Variants in TTN observed in about 807,000 individuals in gnomAD.
TTN encodes connectin.
In TTN, 1,525 loss-of-function variants were observed where a neutral mutation model predicts 3,223.0. The ratio of observed to expected loss-of-function variants is 0.47; its 90% CI spans 0.45 to 0.49. The LOEUF is 0.49. Ranked by LOEUF, TTN falls within the 20% of genes least tolerant of loss-of-function variation. TTN has a pLI of 0.00. For synonymous variants in TTN, 14,094 were observed against 15,161.0 expected (o/e 0.93, Z 5.17); for missense variants, 40,786 against 43,424.0 (o/e 0.94, Z 5.40).
chr2:178,541,479 C>A lies in TTN; in HGVS notation c.97598G>T (p.Gly32533Val). Reference sequence around the variant, plus strand: ...CACTTCTTTGCGCTCCACAATATATCCAGTCACTTGGGAGCCACCGTCATC... The same window carrying A: ...CACTTCTTTGCGCTCCACAATATATACAGTCACTTGGGAGCCACCGTCATC... ...PEDDGGSQVT[G>V]YIVERKEVRA... The change falls in exon 350 of 363, where the codon GGA (glycine) becomes GTA (valine). Residue 32533 changes from glycine to valine, a missense_variant. Coordinates refer to ENST00000589042, the MANE Select transcript of TTN (RefSeq NM_001267550.2). 1 of 1,613,402 alleles carries A rather than the reference C, an allele frequency of 6.2e-7. No individual in the cohort carries two copies. Among genetic ancestry groups the A allele is most frequent in the Non-Finnish European group, 8.5e-7 (1 of 1,179,588 alleles).
chr2:178,600,957 T>C lies in TTN; in HGVS notation c.55947A>G (p.Leu18649=), dbSNP rs1353467197. The change falls in exon 288 of 363, where the codon CTA becomes CTG. Residue 18649 remains leucine (L), a synonymous_variant. Coordinates refer to ENST00000589042, the MANE Select transcript of TTN (RefSeq NM_001267550.2). ...GGAATTCATATTCCCCACCCTCTACTAGGTCTTCAACAGTAAATTGCAGTT... is the reference window on the plus strand; with the variant it reads ...GGAATTCATATTCCCCACCCTCTACCAGGTCTTCAACAGTAAATTGCAGTT... ...VEELQFTVED[L]VEGGEYEFRV... The C allele has an allele frequency of 3.1e-6, 5 of 1,612,900 alleles. No homozygotes were observed. The South Asian group carries it at 5.5e-5, about 18-fold the overall frequency.
rs2154169557 is a variant in TTN at position 178,571,753 on chromosome 2, T to G, written c.74379A>C (p.Ser24793=). Residue 24793 remains serine, a synonymous_variant, in exon 326 of 363, where the codon TCA becomes TCC. Transcript: ENST00000589042. The part of the protein sequence containing the change: ...VGHYVVKLTN[S]AGEAIETLNV... ...TAAGGGTTTCAATAGCTTCACCAGC[T>G]GAGTTAGTCAGTTTAACCACATAAT... is the stretch of plus-strand genomic sequence containing the variant. 2.5e-6 allele frequency: 4 copies of G among 1,613,406 alleles called. No individual in the cohort carries two copies. The highest frequency in any genetic ancestry group is 3.4e-6 in the Non-Finnish European group (4 of 1,179,502).
chr2:178,645,953 C>T lies in TTN; in HGVS notation c.40375G>A (p.Glu13459Lys). The change falls in exon 217 of 363, where the codon GAA becomes AAA. Residue 13459 changes from glutamate (E) to lysine (K), a missense_variant. Glu to Lys is a moderately conservative substitution (Grantham distance 56). Coordinates refer to ENST00000589042, the MANE Select transcript of TTN (RefSeq NM_001267550.2). ...PPPPPPAPPK[E>K]DVKEKIFQLK... ...TGGAATATTTTCTCCTTCACATCTT[C>T]CTTAGGTGGAGCAGGTGGAGGAGGT... is the stretch of plus-strand genomic sequence containing the variant. 6.3e-7 allele frequency: 1 copy of T among 1,586,554 alleles called. No homozygotes were observed. The highest frequency in any genetic ancestry group is 8.6e-7 in the Non-Finnish European group (1 of 1,168,564).
chr2:178,601,843 C>T (rs2053547113), intron 285 of TTN, 39 bp downstream of exon 285: 2 of 1,606,528 alleles, frequency 1.2e-6, no homozygotes. Context: ...ATATTGAAGT[C>T]AACCATATTC....
chr2:178,569,808 C>G lies in TTN; in HGVS notation c.76324G>C (p.Val25442Leu), dbSNP rs1217166434. 1 of 1,613,218 alleles carries G rather than the reference C, an allele frequency of 6.2e-7. No individual in the cohort carries two copies. The highest frequency in any genetic ancestry group is 8.5e-7 in the Non-Finnish European group (1 of 1,179,602). The change falls in exon 326 of 363, where the codon GTT becomes CTT. Residue 25442 changes from valine (V) to leucine (L), a missense_variant. Coordinates refer to ENST00000589042, the MANE Select transcript of TTN (RefSeq NM_001267550.2). ...CCAACACTCACATCACATTTTTCAA[C>G]AATGTATCCTTGAATTTCACAGCCA... ...DGGCEIQGYIVEKCDVSVGEW... is the reference protein window; with the variant it reads ...DGGCEIQGYILEKCDVSVGEW...
chr2:178,554,719 A>G lies in TTN; in HGVS notation c.88628T>C (p.Phe29543Ser), dbSNP rs948542254. The part of the protein sequence containing the change: ...KPGPPGGPIE[F>S]KTVTAEKITL... Reference sequence around the variant, plus strand: ...GATCTTCTCAGCAGTTACAGTCTTAAATTCAATTGGTCCACCAGGTGGGCC... The same window carrying G: ...GATCTTCTCAGCAGTTACAGTCTTAGATTCAATTGGTCCACCAGGTGGGCC... The change falls in exon 332 of 363, where the codon TTT becomes TCT. Residue 29543 changes from phenylalanine (F) to serine (S), a missense_variant. Transcript: ENST00000589042. 6 of 1,613,746 alleles carry G rather than the reference A, an allele frequency of 3.7e-6. No homozygotes were observed. Among genetic ancestry groups the G allele is most frequent in the Non-Finnish European group, 5.1e-6 (6 of 1,179,846 alleles).
intron 46 of TTN, among the ~76,000 whole-genome samples, chr2:178,755,696 G>A (rs561097889): frequency 1.3e-5 from 2 of 152,060 alleles, no homozygotes; most frequent in African/African-American, 2.4e-5. Flanking sequence ...TGGCTGCCTC[G>A]GCCTCCCAAA....
At chr2:178,708,871 T>A (rs904613676) in intron 99 of TTN, among the ~76,000 whole-genome samples, 4 of 152,178 alleles carry the variant, frequency 2.6e-5, no homozygotes, top group Non-Finnish European at 4.4e-5. Flanking sequence ...AGGTTAGTTT[T>A]TAATGTGATT....
intron 47 of TTN, chr2:178,743,087 G>A (rs1259364027): frequency 6.6e-6 from 1 of 151,868 alleles, no homozygotes; most frequent in Non-Finnish European, 1.5e-5. Context: ...CCCTTCACTT[G>A]AACTCACAAA....
At chr2:178,758,057 CTA>C (rs2087849141) in intron 44 of TTN, 141 bp from the exon 45 acceptor site, 1 of 904,264 alleles carries the variant, frequency 1.1e-6, no homozygotes, top group Non-Finnish European at 1.6e-6. Context: ...TTGTATGTCA[CTA>C]TTGACTCGAA....
intron 6 of TTN, chr2:178,799,273 T>C: frequency 3.0e-6 from 2 of 671,848 alleles, no homozygotes; most frequent in South Asian, 3.7e-5. Flanking sequence ...GAGACCCTAG[T>C]AGGCAGACAC....
chr2:178,564,417 G>A lies in TTN; in HGVS notation c.81715C>T (p.Gln27239Ter), dbSNP rs1408614204. The change falls in exon 326 of 363, where the codon CAA (glutamine) becomes TAA (stop). Residue 27239 changes from glutamine (Q) to a stop codon, truncating the protein, a stop_gained. Transcript: ENST00000589042. LOFTEE classifies it high-confidence loss of function. Reference protein sequence around the residue: ...EFTVSGLVEDQRYEFRVIARN... With the variant: ...EFTVSGLVED ...GCAATTACTCTAAATTCATATCTTT[G>A]GTCTTCTACAAGTCCACTCACTGTA... 6.2e-7 allele frequency: 1 copy of A among 1,612,996 alleles called. No homozygotes were observed. The highest frequency in any genetic ancestry group is 1.3e-5 in the African/African-American group (1 of 74,864).
intron 216 of TTN, 146 bp from the exon 217 acceptor site, chr2:178,646,176 G>C (rs369698692): frequency 5.8e-6 from 1 of 173,160 alleles, no homozygotes; most frequent in African/African-American, 3.1e-5. Flanking sequence ...TTTAAGGTAC[G>C]TAATACCAGT....
At position 178,567,347 on chromosome 2, in the gene TTN, C is replaced by T. The variant is rs775800532; in HGVS notation, c.78785G>A (p.Gly26262Glu). 6.3e-7 allele frequency: 1 copy of T among 1,598,636 alleles called. No individual in the cohort carries two copies. The highest frequency in any genetic ancestry group is 1.1e-5 in the South Asian group (1 of 87,698). Residue 26262 changes from glycine (G) to glutamate (E), a missense_variant, in exon 326 of 363, where the codon GGG (glycine) becomes GAG (glutamate). Gly to Glu is a moderately conservative substitution (Grantham distance 98). Coordinates refer to ENST00000589042, the MANE Select transcript of TTN (RefSeq NM_001267550.2). ...ATTGGAAGCTCTTAAAATATACTGC[C>T]CACCATCAATTCTAATTGCATCTTT... Reference protein sequence around the residue: ...IVKDAIRIDGGQYILRASNVA... With the variant: ...IVKDAIRIDGEQYILRASNVA...
rs772574748 is a variant in TTN at position 178,549,106 on chromosome 2, T to A, written c.92520A>T (p.Leu30840Phe). ...CATCAAACACTGGTTTGGACCATTC[T>A]AAGCTCACAGTTGTCTTTGATGTGT... ...VTDTSKTTVS[L>F]EWSKPVFDGG... The change falls in exon 339 of 363, where the codon TTA becomes TTT. Residue 30840 changes from leucine to phenylalanine, a missense_variant. Coordinates refer to ENST00000589042, the MANE Select transcript of TTN (RefSeq NM_001267550.2). 2.5e-6 allele frequency: 4 copies of A among 1,613,938 alleles called. No individual in the cohort carries two copies. The Admixed American group carries it at 6.7e-5, about 27-fold the overall frequency.
Position 178,672,161 on chromosome 2 carries a change from C to A in TTN, c.35037G>T (p.Pro11679=), listed in dbSNP as rs369095270. The change falls in exon 155 of 363, where the codon CCG becomes CCT. Residue 11679 remains proline (P), a synonymous_variant. Coordinates refer to ENST00000589042, the MANE Select transcript of TTN (RefSeq NM_001267550.2). The stretch of plus-strand genomic sequence containing the variant: ...CAACTTCATGGAACTCTTCTTCTTC[C>A]GGAATTTCTTCCACTTCTGCTTCTA... ...EVVEAEVEEI[P]EEEEFHEVEE... 6.3e-7 allele frequency: 1 copy of A among 1,595,494 alleles called. No homozygotes were observed.
At position 178,632,629 on chromosome 2, in the gene TTN, G is replaced by A. The variant is rs1338070898; in HGVS notation, c.43377C>T (p.Gly14459=). ...ACTTGATCACCATTGAATGCTTAGT[G>A]CCATCCTTTATAAGCTCAAATCTGT... is the stretch of plus-strand genomic sequence containing the variant. The part of the protein sequence containing the change: ...GDDRFELIKD[G]TKHSMVIKSA... Residue 14459 remains glycine (G), a synonymous_variant, in exon 235 of 363, where the codon GGC becomes GGT. Coordinates refer to ENST00000589042, the MANE Select transcript of TTN (RefSeq NM_001267550.2). 2 of 1,613,448 alleles carry A rather than the reference G, an allele frequency of 1.2e-6. No individual in the cohort carries two copies. Among genetic ancestry groups the A allele is most frequent in the Admixed American group, 3.3e-5 (2 of 59,978 alleles).
intron 57 of TTN, 41 bp from the exon 58 acceptor site, chr2:178,732,012 G>T: frequency 1.3e-6 from 2 of 1,590,810 alleles, no homozygotes; most frequent in Non-Finnish European, 1.7e-6. Flanking sequence ...GGGAGGAGGG[G>T]TCTGTGCCAT....
chr2:178,664,450 A>G lies in TTN; in HGVS notation c.36280+10T>C. ...ACTATCCCACCATAAAAAGACAGTTAAGAATGTACCTTTGACAGGTACAAC... is the reference window on the plus strand; with the variant it reads ...ACTATCCCACCATAAAAAGACAGTTGAGAATGTACCTTTGACAGGTACAAC... On this transcript the variant is annotated intron_variant, in intron 168 of 362. Coordinates refer to ENST00000589042, the MANE Select transcript of TTN (RefSeq NM_001267550.2). 6.3e-7 allele frequency: 1 copy of G among 1,599,966 alleles called. No individual in the cohort carries two copies. The highest frequency in any genetic ancestry group is 8.5e-7 in the Non-Finnish European group (1 of 1,173,160).
Sources: allele counts gnomAD v4.1 joint callset (sites outside exome capture counted in the v4.1 genomes callset), GRCh38; gene constraint gnomAD v4.1.1; transcripts MANE v1.5; gene names NCBI Gene and HGNC (gene_info 2026-07-23, HGNC 2026-07-21).